RASAL2: variants seen among roughly 807,000 people sequenced by gnomAD.
The protein encoded by RASAL2 is RAS protein activator like 2, also known as ras GTPase-activating protein nGAP.
A neutral mutation model predicts 128.9 loss-of-function variants in RASAL2; 58 were observed. The ratio of observed to expected loss-of-function variants is 0.45; its 90% CI spans 0.36 to 0.56. RASAL2 has a LOEUF of 0.56. RASAL2 is among the 20% of genes least tolerant of loss of function. RASAL2 has a pLI of 0.00. For missense variants in RASAL2, 1,360 were observed against 1,601.6 expected (o/e 0.85, Z 2.57); for synonymous variants, 561 against 580.8 (o/e 0.97, Z 0.49).
intron 4 of RASAL2, among the ~76,000 whole-genome samples, chr1:178,397,871 C>G (rs1435307443): frequency 6.6e-6 from 1 of 151,382 alleles, no homozygotes; most frequent in African/African-American, 2.4e-5. Context: ...CTGCTTTGGT[C>G]TTCTAAAGTG....
chr1:178,215,008 T>C (rs909092111), intron 1 of RASAL2, among the ~76,000 whole-genome samples: 1 of 152,256 alleles, frequency 6.6e-6, no homozygotes, highest in African/African-American at 2.4e-5. Context: ...TTGCTGTTGC[T>C]GTAGTACAGA....
intron 1 of RASAL2, among the ~76,000 whole-genome samples, chr1:178,239,141 A>G (rs894695330): frequency 1.3e-5 from 2 of 152,122 alleles, no homozygotes; most frequent in Non-Finnish European, 2.9e-5. Flanking sequence ...TATTCTATCT[A>G]TGTTTTTAGA....
In RASAL2 at chr1:178,473,251, T is replaced by G. The variant is rs1648444398; in HGVS notation, c.*12T>G. 6.2e-7 allele frequency: 1 copy of G among 1,614,138 alleles called. No homozygotes were observed. ...ACAGCAGCTGCTGACGGGCTTTGTC[T>G]GTGGAAGGAGACAGAAGGAAATTGA... On this transcript the variant is annotated 3_prime_UTR_variant, in exon 18 of 18. Coordinates refer to ENST00000367649, the MANE Select transcript of RASAL2 (RefSeq NM_170692.4).
chr1:178,449,340 A>C (rs1438582514), intron 9 of RASAL2, among the ~76,000 whole-genome samples: 1 of 152,146 alleles, frequency 6.6e-6, no homozygotes, highest in African/African-American at 2.4e-5. Flanking sequence ...TGTGAGATAC[A>C]CTAAAGAAAG....
chr1:178,430,375 CATG>C (rs781770171), intron 5 of RASAL2, among the ~76,000 whole-genome samples: 53 of 152,166 alleles, frequency 3.5e-4, no homozygotes, highest in Non-Finnish European at 6.5e-4. Flanking sequence ...CTAATTGCAT[CATG>C]ATAACATTTT....
chr1:178,452,403 T>A lies in RASAL2; in HGVS notation c.1773-13T>A, dbSNP rs1677439089. 3.1e-6 allele frequency: 5 copies of A among 1,610,910 alleles called. No individual in the cohort carries two copies. The highest frequency in any genetic ancestry group is 4.2e-6 in the Non-Finnish European group (5 of 1,177,244). ...CTGTGTTTAGAGGTTTTGGTACTTC[T>A]TTCCTTCCCTAGTGTTTTCCCTCGT... On this transcript the variant is annotated splice_polypyrimidine_tract_variant and intron_variant, in intron 10 of 17. Coordinates refer to ENST00000367649, the MANE Select transcript of RASAL2 (RefSeq NM_170692.4).
intron 3 of RASAL2, among the ~76,000 whole-genome samples, chr1:178,305,214 C>T (rs1443662360): frequency 6.6e-6 from 1 of 152,080 alleles, no homozygotes; most frequent in Non-Finnish European, 1.5e-5. Flanking sequence ...GTTATAATGT[C>T]CATACTGCAC....
intron 1 of RASAL2, among the ~76,000 whole-genome samples, chr1:178,229,375 A>G (rs1410792718): frequency 6.6e-6 from 1 of 152,178 alleles, no homozygotes; most frequent in Non-Finnish European, 1.5e-5. Context: ...GCATTGCTTT[A>G]AATTGTCTGT....
chr1:178,212,084 T>G (rs11585355), intron 1 of RASAL2, among the ~76,000 whole-genome samples: 12,426 of 152,114 alleles, frequency 0.082, 580 homozygotes, highest in Middle Eastern at 0.14. Context: ...GTTTATGAGG[T>G]CCCTTCTTTT....
chr1:178,140,773 CAT>C (rs760805540), intron 1 of RASAL2, among the ~76,000 whole-genome samples: 1 of 152,222 alleles, frequency 6.6e-6, no homozygotes, highest in Non-Finnish European at 1.5e-5. Flanking sequence ...GAACTCCTCA[CAT>C]GTTTTACTTG....
chr1:178,426,728 A>G (rs891234793), intron 5 of RASAL2, among the ~76,000 whole-genome samples: 5 of 152,130 alleles, frequency 3.3e-5, no homozygotes, highest in African/African-American at 1.2e-4. Context: ...TAGTGGAGCA[A>G]TGTCTTGAAA....
intron 2 of RASAL2, among the ~76,000 whole-genome samples, chr1:178,295,724 C>T (rs1667468538): frequency 6.6e-6 from 1 of 152,060 alleles, no homozygotes; most frequent in South Asian, 2.1e-4. Context: ...CTAATAAGTT[C>T]CTGGGTTATG....
chr1:178,239,583 AAGT>A (rs1230516615), intron 1 of RASAL2, among the ~76,000 whole-genome samples: 1 of 152,072 alleles, frequency 6.6e-6, no homozygotes, highest in Non-Finnish European at 1.5e-5. Context: ...TACTGTTTCC[AAGT>A]AGTAGTGTGG....
At position 178,378,381 on chromosome 1, in the gene RASAL2, A is replaced by G; in HGVS notation, c.458-11719A>G. Among the ~76,000 whole-genome samples, 5 of 152,274 alleles carry G rather than the reference A, an allele frequency of 3.3e-5. No homozygotes were observed. In the South Asian group the frequency reaches 1.0e-3, roughly 32 times the overall value. On this transcript the variant is annotated intron_variant, in intron 3 of 17. Transcript: ENST00000367649. ...TTTTATTTGGCAAAAATGGACAGAAATGGATAATTCTACAGTCCTATCTAT... is the reference window on the plus strand; with the variant it reads ...TTTTATTTGGCAAAAATGGACAGAAGTGGATAATTCTACAGTCCTATCTAT...
chr1:178,136,395 T>G (rs779417173), intron 1 of RASAL2, among the ~76,000 whole-genome samples: 3 of 152,152 alleles, frequency 2.0e-5, no homozygotes, highest in African/African-American at 4.8e-5. Context: ...ATCTAAGGTT[T>G]CTTGTGAAGA....
chr1:178,471,579 T>A (rs936792279), intron 17 of RASAL2, among the ~76,000 whole-genome samples: 8 of 152,182 alleles, frequency 5.3e-5, no homozygotes, highest in Non-Finnish European at 5.9e-5. Flanking sequence ...GATTTTTTTT[T>A]AAATGATAAT....
At chr1:178,316,698 C>T (rs1454618516) in intron 3 of RASAL2, among the ~76,000 whole-genome samples, 8 of 75,956 alleles carry the variant, frequency 1.1e-4, no homozygotes, top group South Asian at 8.5e-4. Context: ...TGGGCTGAGA[C>T]GATGGGGTTT....
rs145581571 is a variant in RASAL2, at chr1:178,199,164, G to T, written c.203-84400G>T. The stretch of plus-strand genomic sequence containing the variant: ...CATTTGCTAAGACCACTGGAAAAGT[G>T]CAGTGTTTAGGTGGCAGTGTCCCGA... On this transcript the variant is annotated intron_variant, in intron 1 of 17. Transcript: ENST00000367649. Among the ~76,000 whole-genome samples, 300 of 152,328 alleles carry T rather than the reference G, an allele frequency of 2.0e-3. 1 individual carries two copies. The highest frequency in any genetic ancestry group is 3.8e-3 in the Non-Finnish European group (257 of 68,042).
chr1:178,290,222 T>C (rs757226666), intron 2 of RASAL2, among the ~76,000 whole-genome samples: 6 of 152,244 alleles, frequency 3.9e-5, no homozygotes, highest in Non-Finnish European at 8.8e-5. Flanking sequence ...TGATGAAACA[T>C]AGGAAACTCT....
Sources: gnomAD v4.1 joint callset for allele counts (sites outside exome capture counted in the v4.1 genomes callset) on GRCh38, gnomAD v4.1.1 for gene constraint, MANE v1.5 for transcripts, NCBI Gene and HGNC (gene_info 2026-07-23, HGNC 2026-07-21) for gene names.